Variants in TDRD1 observed in about 807,000 individuals in gnomAD.
TDRD1 encodes the protein tudor domain containing 1, also known as tudor domain-containing protein 1.
In TDRD1, 37 loss-of-function variants were observed where a neutral mutation model predicts 140.6. That is an observed-to-expected ratio of 0.26 (90% CI 0.20 to 0.35). TDRD1 has a LOEUF of 0.35. Among genes scored for constraint, TDRD1 ranks in the 10% least tolerant of loss-of-function variants. The pLI, the probability that TDRD1 is intolerant of heterozygous loss-of-function variation, is 1.00. For synonymous variants in TDRD1, 506 were observed against 475.7 expected, an observed-to-expected ratio of 1.06 and a Z score of -0.83; for missense variants, 1,243 against 1,393.0, an observed-to-expected ratio of 0.89 and a Z score of 1.71.
chr10:114,195,574 C>A (rs1483203790), intron 3 of TDRD1, among the ~76,000 whole-genome samples: 1 of 152,146 alleles, frequency 6.6e-6, no homozygotes, highest in Non-Finnish European at 1.5e-5. Context: ...TGGTAATTTT[C>A]TTTCCCTGTA....
At chr10:114,184,908 G>C (rs990045922) in intron 1 of TDRD1, among the ~76,000 whole-genome samples, 2 of 152,106 alleles carry the variant, frequency 1.3e-5, no homozygotes, top group Admixed American at 6.5e-5. Flanking sequence ...TAGCATGTAT[G>C]ATACTAGTTT....
chr10:114,217,498 TATTTTTTAATATGTTCTTA>T lies in TDRD1; in HGVS notation c.2213-36_2213-18del, dbSNP rs752395127. 1.5e-4 allele frequency: 159 copies of T among 1,075,994 alleles called. No individual in the cohort carries two copies. In the South Asian group the frequency reaches 2.2e-3, roughly 15 times the overall value. The allele number at this position is 1,075,994 out of a possible 1,614,324, so 66.7% of individuals were successfully genotyped here. A position where few individuals can be genotyped will look rare whatever the true frequency, so the allele number is the denominator to read the frequency against. ...ACTTTAAAGGAAAATCTGTGTTGTTTATTTTTTAATATGTTCTTAATTTTTTAATCCTATGTGTATTTTC... is the reference window on the plus strand; with the variant it reads ...ACTTTAAAGGAAAATCTGTGTTGTTTATTTTTTAATCCTATGTGTATTTTC... On this transcript the variant is annotated intron_variant, in intron 16 of 25. Coordinates refer to ENST00000251864, the Ensembl canonical transcript of TDRD1.
intron 4 of TDRD1, among the ~76,000 whole-genome samples, chr10:114,199,684 G>A (rs2034598779): frequency 6.6e-6 from 1 of 152,084 alleles, no homozygotes; most frequent in Admixed American, 6.5e-5. Context: ...AATTTTGCCT[G>A]TCATAGAATT....
chr10:114,177,785 G>GGCT (rs1285908679), upstream of TDRD1, among the ~76,000 whole-genome samples: 13 of 151,658 alleles, frequency 8.6e-5, no homozygotes, highest in Non-Finnish European at 1.5e-5. Context: ...GAAACGATGT[G>GGCT]GCTTCTGTCA....
rs368791276 is a variant in TDRD1 at position 114,220,847 on chromosome 10, A to G, written c.2770+4A>G. 1.0e-5 allele frequency: 16 copies of G among 1,587,648 alleles called. No homozygotes were observed. Among genetic ancestry groups the G allele is most frequent in the Non-Finnish European group, 1.3e-5 (15 of 1,162,494 alleles). ...GTTCATGTACAGGGACTTCAAGGTA[A>G]CATTTTAAAACCATTTATTTGTTTA... On this transcript the variant is annotated splice_donor_region_variant and intron_variant, in intron 19 of 25. Transcript: ENST00000251864.
Position 114,219,422 on chromosome 10 carries a change from T to G in TDRD1, c.2494+838T>G, listed in dbSNP as rs2036006854. On this transcript the variant is annotated intron_variant, in intron 18 of 25. Transcript: ENST00000251864. Reference sequence around the variant, plus strand: ...CTTTATAATAGAATATATAAGAGAATGTGTGTATATGTGTGTATTTTGGAC... The same window carrying G: ...CTTTATAATAGAATATATAAGAGAAGGTGTGTATATGTGTGTATTTTGGAC... Among the ~76,000 whole-genome samples the G allele has an allele frequency of 3.3e-5, 5 of 152,208 alleles. No individual in the cohort carries two copies. In the South Asian group the frequency reaches 1.0e-3, roughly 32 times the overall value.
chr10:114,219,367 T>C (rs1202158244), intron 18 of TDRD1, among the ~76,000 whole-genome samples: 1 of 152,160 alleles, frequency 6.6e-6, no homozygotes, highest in Non-Finnish European at 1.5e-5. Flanking sequence ...GTGCTTGGCA[T>C]TATACCTATA....
Position 114,205,462 on chromosome 10 carries a change from T to C in TDRD1, c.1297+569T>C, listed in dbSNP as rs77819188. Among the ~76,000 whole-genome samples the C allele has an allele frequency of 9.4e-3, 1,429 of 152,292 alleles. 14 individuals carry two copies. Among genetic ancestry groups the C allele is most frequent in the African/African-American group, 0.033 (1,365 of 41,572 alleles). On this transcript the variant is annotated intron_variant, in intron 10 of 25. Coordinates refer to ENST00000251864, the Ensembl canonical transcript of TDRD1. The stretch of plus-strand genomic sequence containing the variant: ...AATCTCTTGTGAAGTTAAGTAAAAA[T>C]CTGTTGTTTGCTATGTTTCATGTTA...
intron 11 of TDRD1, among the ~76,000 whole-genome samples, chr10:114,210,319 G>T (rs2035400125): frequency 6.6e-6 from 1 of 152,040 alleles, no homozygotes; most frequent in African/African-American, 2.4e-5. Flanking sequence ...GTGTATTATA[G>T]AGTGTTTTAA....
exon 6 of TDRD1, chr10:114,202,264 C>G: frequency 1.2e-6 from 2 of 1,602,236 alleles, no homozygotes; most frequent in Non-Finnish European, 1.7e-6. Flanking sequence ...AATAAATCAT[C>G]TATTGAAACA....
intron 20 of TDRD1, 30 bp downstream of exon 20, chr10:114,221,506 T>C: frequency 1.2e-6 from 2 of 1,602,868 alleles, no homozygotes; most frequent in South Asian, 1.1e-5. Flanking sequence ...GACATATTTA[T>C]GCTCATCTTT....
intron 23 of TDRD1, 23 bp downstream of exon 23, chr10:114,227,322 A>G (rs961757703): frequency 6.7e-7 from 1 of 1,491,640 alleles, no homozygotes; most frequent in Middle Eastern, 1.7e-4. Flanking sequence ...AGTGTTATTA[A>G]TAACAGATGT....
chr10:114,181,891 C>T (rs1484154217), intron 1 of TDRD1, among the ~76,000 whole-genome samples: 1 of 151,768 alleles, frequency 6.6e-6, no homozygotes, highest in Non-Finnish European at 1.5e-5. Context: ...TTCTGTATCC[C>T]AGTTGTGGTG....
Position 114,203,011 on chromosome 10 carries a change from C to T in TDRD1, c.697-61C>T, listed in dbSNP as rs74157576. The T allele has an allele frequency of 8.0e-4, 857 of 1,077,904 alleles. 3 individuals carry two copies. The African/African-American group carries it at 0.012, about 15-fold the overall frequency. 66.8% of individuals were successfully genotyped at this position (1,077,904 alleles called of 1,614,324 possible). A position where few individuals can be genotyped will look rare whatever the true frequency, so the allele number is the denominator to read the frequency against. On this transcript the variant is annotated intron_variant, in intron 6 of 25. Transcript: ENST00000251864. ...GACTGCAGTTCCGACGTGTAGTGGC[C>T]ATAGAATCATTGAAACATGTGCTTT...
intron 3 of TDRD1, among the ~76,000 whole-genome samples, chr10:114,196,087 T>C (rs2034327174): frequency 6.6e-6 from 1 of 152,224 alleles, no homozygotes; most frequent in African/African-American, 2.4e-5. Flanking sequence ...TCATTTTTGC[T>C]CAAACTCTCA....
chr10:114,206,441 TC>T (rs1434092760), intron 11 of TDRD1, 111 bp downstream of exon 11: 2 of 714,166 alleles, frequency 2.8e-6, no homozygotes, highest in Non-Finnish European at 4.6e-6. Flanking sequence ...ACGATAAACA[TC>T]CTATGAGCAA....
intron 3 of TDRD1, among the ~76,000 whole-genome samples, chr10:114,191,623 A>G (rs2033972916): frequency 6.6e-6 from 1 of 152,154 alleles, no homozygotes; most frequent in African/African-American, 2.4e-5. Flanking sequence ...CCATTTACCT[A>G]TTGAAGGACA....
chr10:114,231,663 G>C (rs1162265935), exon 26 of TDRD1: 1 of 575,930 alleles, frequency 1.7e-6, no homozygotes, highest in East Asian at 3.3e-5. Context: ...TATTAGGTTG[G>C]TGGTTTTTAT....
At chr10:114,200,170 T>C (rs1253677494) in intron 4 of TDRD1, among the ~76,000 whole-genome samples, 3 of 152,262 alleles carry the variant, frequency 2.0e-5, no homozygotes, top group Non-Finnish European at 2.9e-5. Context: ...ATATGCCTCT[T>C]GAGTTCTAAT....
Sources: allele counts gnomAD v4.1 joint callset (sites outside exome capture counted in the v4.1 genomes callset), GRCh38; gene constraint gnomAD v4.1.1; transcripts MANE v1.5; gene names NCBI Gene and HGNC (gene_info 2026-07-23, HGNC 2026-07-21).